The following KLHL23 variants were observed in gnomAD, a reference collection of about 807,000 sequenced individuals.
The protein encoded by KLHL23 is kelch-like protein 23.
KLHL23 carries 33 observed loss-of-function variants against 48.9 expected under a neutral mutation model. The observed-to-expected ratio is 0.67, with a 90% CI of 0.51 to 0.90. KLHL23 has a LOEUF of 0.90. Ranked by LOEUF, KLHL23 falls within the 40% of genes least tolerant of loss-of-function variation. The pLI, the probability that KLHL23 is intolerant of heterozygous loss-of-function variation, is 0.00. For missense variants in KLHL23, 608 were observed against 669.6 expected, an observed-to-expected ratio of 0.91 and a Z score of 1.02; for synonymous variants, 234 against 231.6, an observed-to-expected ratio of 1.01 and a Z score of -0.09.
At position 169,735,787 on chromosome 2, in the gene KLHL23, A is replaced by G. The variant is rs1688498500; in HGVS notation, c.773A>G (p.Asn258Ser). ...TENKIRSLIYNALNPMHKEIS... is the reference protein window; with the variant it reads ...TENKIRSLIYSALNPMHKEIS... Reference sequence around the variant, plus strand: ...AATAAGATCCGCTCCCTAATATACAATGCCTTGAATCCCATGCATAAAGAG... The same window carrying G: ...AATAAGATCCGCTCCCTAATATACAGTGCCTTGAATCCCATGCATAAAGAG... Residue 258 changes from asparagine to serine, a missense_variant, in exon 2 of 4, where the codon AAT (asparagine) becomes AGT (serine). Transcript: ENST00000392647. This position sits in a 1 kb window ranked among gnomAD's most constrained non-coding sequence, Gnocchi z 4.5. The G allele has an allele frequency of 5.0e-6, 8 of 1,614,096 alleles. No homozygotes were observed. The highest frequency in any genetic ancestry group is 1.3e-5 in the African/African-American group (1 of 75,040).
chr2:169,749,786 A>G lies in KLHL23; in HGVS notation c.*54A>G. On this transcript the variant is annotated 3_prime_UTR_variant, in exon 4 of 4. Transcript: ENST00000392647. ...ACTTTTTTGGAGTATAGTTTTATAA[A>G]AAAAGAATGCAGGGTTTGAAGTTCC... 6.6e-7 allele frequency: 1 copy of G among 1,523,972 alleles called. No homozygotes were observed. Among genetic ancestry groups the G allele is most frequent in the Admixed American group, 2.1e-5 (1 of 47,664 alleles). 94.4% of individuals were successfully genotyped at this position (1,523,972 alleles called of 1,614,324 possible). A position where few individuals can be genotyped will look rare whatever the true frequency, so the allele number is the denominator to read the frequency against.
At chr2:169,747,902 A>T (rs1234031504) in intron 3 of KLHL23, among the ~76,000 whole-genome samples, 1 of 152,016 alleles carries the variant, frequency 6.6e-6, no homozygotes, top group Non-Finnish European at 1.5e-5. Context: ...GCAGAGGAGG[A>T]TCTCTTGAGG....
At chr2:169,739,561 A>C (rs952960524) in intron 2 of KLHL23, among the ~76,000 whole-genome samples, 1 of 152,070 alleles carries the variant, frequency 6.6e-6, no homozygotes, top group African/African-American at 2.4e-5. Context: ...TATACTTGCC[A>C]ACTTCCTACC....
At chr2:169,749,275 G>A in intron 3 of KLHL23, 147 bp from the exon 4 acceptor site, 1 of 803,752 alleles carries the variant, frequency 1.2e-6, no homozygotes, top group African/African-American at 1.7e-5. Flanking sequence ...CCTCAGCGTT[G>A]CAGTATTGTG....
chr2:169,748,116 C>T (rs1480989924), intron 3 of KLHL23, among the ~76,000 whole-genome samples: 1 of 152,102 alleles, frequency 6.6e-6, no homozygotes, highest in Admixed American at 6.6e-5. Context: ...AGAGCAAGAC[C>T]CTGTCTCTAG....
rs138496066 is a variant in KLHL23, at chr2:169,749,564, C to T, written c.1509C>T (p.Ala503=). 1.3e-4 allele frequency: 207 copies of T among 1,613,880 alleles called. No homozygotes were observed. The highest frequency in any genetic ancestry group is 8.0e-5 in the Non-Finnish European group (94 of 1,179,984). Residue 503 remains alanine (A), a synonymous_variant, in exon 4 of 4, where the codon GCC becomes GCT. Coordinates refer to ENST00000392647, the MANE Select transcript of KLHL23 (RefSeq NM_144711.6). ...TGGAAAGGAGGATGGAGTGCGGTGC[C>T]GTCATCATGAATGGATGTATTTATG... is the stretch of plus-strand genomic sequence containing the variant. The part of the protein sequence containing the change: ...PMMERRMECG[A]VIMNGCIYVT...
chr2:169,744,165 T>C (rs957805667), intron 3 of KLHL23, among the ~76,000 whole-genome samples: 2 of 152,162 alleles, frequency 1.3e-5, no homozygotes, highest in African/African-American at 2.4e-5. Flanking sequence ...TTTACTGCCG[T>C]AGGAGCTCAG....
In KLHL23 at chr2:169,735,263, C is replaced by T. The variant is rs1009351450; in HGVS notation, c.249C>T (p.Ile83=). The stretch of plus-strand genomic sequence containing the variant: ...AAAATAAAATAAAACTCTCTGGCAT[C>T]CACCATGATATTCTGGAAGGCCTTG... ...KFKNKIKLSG[I]HHDILEGLVN... is the part of the protein sequence containing the mutation. Residue 83 remains isoleucine, a synonymous_variant, in exon 2 of 4, where the codon ATC becomes ATT. Transcript: ENST00000392647. The surrounding 1 kb of genome is among the most constrained non-coding windows in gnomAD (Gnocchi z 4.5). 78 of 1,608,076 alleles carry T rather than the reference C, an allele frequency of 4.9e-5. No individual in the cohort carries two copies. The East Asian group carries it at 1.6e-3, about 33-fold the overall frequency.
At position 169,735,715 on chromosome 2, in the gene KLHL23, A is replaced by G; in HGVS notation, c.701A>G (p.Tyr234Cys). 6.2e-7 allele frequency: 1 copy of G among 1,614,032 alleles called. No individual in the cohort carries two copies. Residue 234 changes from tyrosine to cysteine, a missense_variant, in exon 2 of 4, where the codon TAC becomes TGC. This residue lies in a region of KLHL23 where 419 missense variants were observed against 473.1 expected (regional missense o/e 0.89). Transcript: ENST00000392647. The surrounding 1 kb of genome is among the most constrained non-coding windows in gnomAD (Gnocchi z 4.5). ...SYINIDIDPVYLKTALGLQRS... is the reference protein window; with the variant it reads ...SYINIDIDPVCLKTALGLQRS... ...ATCAACATTGATATAGATCCAGTGT[A>G]CTTAAAAACAGCCTTAGGCCTTCAA...
At chr2:169,746,735 G>T (rs1688800287) in intron 3 of KLHL23, among the ~76,000 whole-genome samples, 2 of 152,178 alleles carry the variant, frequency 1.3e-5, no homozygotes. Flanking sequence ...ACTGCTATAG[G>T]AAGACAGATG....
rs1468088745 is a variant in KLHL23 at position 169,750,206 on chromosome 2, G to A, written c.*474G>A. On this transcript the variant is annotated 3_prime_UTR_variant, in exon 4 of 4. Coordinates refer to ENST00000392647, the MANE Select transcript of KLHL23 (RefSeq NM_144711.6). The stretch of plus-strand genomic sequence containing the variant: ...ATACCTATAATCTCTGGTTTTCAAA[G>A]GTAATATAGAATATTTGACACTTGG... 1.3e-5 allele frequency: 2 copies of A among 153,436 alleles called. No individual in the cohort carries two copies. The highest frequency in any genetic ancestry group is 2.1e-4 in the South Asian group (1 of 4,870). The allele number at this position is 153,436 out of a possible 1,614,324, so 9.5% of individuals were successfully genotyped here. A position where few individuals can be genotyped will look rare whatever the true frequency, so the allele number is the denominator to read the frequency against.
chr2:169,734,570 T>G (rs913489627), intron 1 of KLHL23, among the ~76,000 whole-genome samples: 3 of 152,208 alleles, frequency 2.0e-5, no homozygotes, highest in African/African-American at 7.2e-5. Flanking sequence ...TCCATTTATA[T>G]TTCCATCATC....
At position 169,749,565 on chromosome 2, in the gene KLHL23, G is replaced by A. The variant is rs770504947; in HGVS notation, c.1510G>A (p.Val504Ile). 27 of 1,613,898 alleles carry A rather than the reference G, an allele frequency of 1.7e-5. No homozygotes were observed. Among genetic ancestry groups the A allele is most frequent in the East Asian group, 2.2e-5 (1 of 44,890 alleles). Residue 504 changes from valine to isoleucine, a missense_variant, in exon 4 of 4, where the codon GTC becomes ATC. Coordinates refer to ENST00000392647, the MANE Select transcript of KLHL23 (RefSeq NM_144711.6). The stretch of plus-strand genomic sequence containing the variant: ...GGAAAGGAGGATGGAGTGCGGTGCC[G>A]TCATCATGAATGGATGTATTTATGT... ...MMERRMECGA[V>I]IMNGCIYVTG...
intron 3 of KLHL23, among the ~76,000 whole-genome samples, chr2:169,744,923 G>A (rs1688760118): frequency 6.8e-6 from 1 of 147,740 alleles, no homozygotes; most frequent in Non-Finnish European, 1.5e-5. Flanking sequence ...TGTGTGATCA[G>A]CTCTAGGTTT....
At position 169,750,142 on chromosome 2, in the gene KLHL23, ATATGTG is replaced by A. The variant is rs1558952851; in HGVS notation, c.*414_*419del. On this transcript the variant is annotated 3_prime_UTR_variant, in exon 4 of 4. Coordinates refer to ENST00000392647, the MANE Select transcript of KLHL23 (RefSeq NM_144711.6). Reference sequence around the variant, plus strand: ...TATATATATACACATATATACGTATATATGTGTATATATATACACAGTTGAATCAGT... The same window carrying A: ...TATATATATACACATATATACGTATATATATATATACACAGTTGAATCAGT... The A allele has an allele frequency of 9.9e-5, 14 of 141,582 alleles. No individual in the cohort carries two copies. The highest frequency in any genetic ancestry group is 1.1e-4 in the African/African-American group (4 of 36,692). The allele number at this position is 141,582 out of a possible 1,614,324, so 8.8% of individuals were successfully genotyped here.
At chr2:169,738,854 CA>C (rs1315754885) in intron 2 of KLHL23, among the ~76,000 whole-genome samples, 1 of 3,122 alleles carries the variant, frequency 3.2e-4, no homozygotes, top group African/African-American at 1.8e-3. Flanking sequence ...TCCCCTTCCT[CA>C]CCCTCCCCTC....
At chr2:169,745,370 G>A (rs1688770988) in intron 3 of KLHL23, among the ~76,000 whole-genome samples, 3 of 151,966 alleles carry the variant, frequency 2.0e-5, no homozygotes, top group Non-Finnish European at 4.4e-5. Flanking sequence ...AAAATTAGCT[G>A]GGCATGGTGG....
rs536324897 is a variant in KLHL23, at chr2:169,751,607, G to A, written c.*1875G>A. ...AAAAAACTCCATGTCAAGAAAGTGG[G>A]ATAAGAAAAATAGTGAAGTATTATA... On this transcript the variant is annotated 3_prime_UTR_variant, in exon 4 of 4. Transcript: ENST00000392647. The A allele has an allele frequency of 3.6e-4, 55 of 152,222 alleles. 1 individual carries two copies. Among genetic ancestry groups the A allele is most frequent in the African/African-American group, 1.2e-3 (51 of 41,526 alleles). The allele number at this position is 152,222 out of a possible 1,614,324, so 9.4% of individuals were successfully genotyped here.
rs1186750940 is a variant in KLHL23 at position 169,750,430 on chromosome 2, A to C, written c.*698A>C. On this transcript the variant is annotated 3_prime_UTR_variant, in exon 4 of 4. Coordinates refer to ENST00000392647, the MANE Select transcript of KLHL23 (RefSeq NM_144711.6). Reference sequence around the variant, plus strand: ...TTTGGGAGGCTGAGGCGGGAGGATCACTTGAGCCTAGAAGTTGGAGACTAA... The same window carrying C: ...TTTGGGAGGCTGAGGCGGGAGGATCCCTTGAGCCTAGAAGTTGGAGACTAA... 6.7e-6 allele frequency: 1 copy of C among 148,680 alleles called. No homozygotes were observed. The highest frequency in any genetic ancestry group is 2.0e-4 in the East Asian group (1 of 5,036). 9.2% of individuals were successfully genotyped at this position (148,680 alleles called of 1,614,324 possible).
Sources: gnomAD v4.1 joint callset for allele counts (sites outside exome capture counted in the v4.1 genomes callset) on GRCh38, gnomAD v4.1.1 for gene constraint, gnomAD v4.1.1 regional missense constraint, Gnocchi (gnomAD v3.1) non-coding constraint, MANE v1.5 for transcripts, NCBI Gene and HGNC (gene_info 2026-07-23, HGNC 2026-07-21) for gene names.